Variants in FANK1 observed in about 807,000 individuals in gnomAD.
FANK1 encodes the protein fibronectin type 3 and ankyrin repeat domains protein 1.
In FANK1, 44 loss-of-function variants were observed where a neutral mutation model predicts 45.3. That is an observed-to-expected ratio of 0.97 (90% confidence interval 0.76 to 1.25). FANK1 has a LOEUF of 1.25. Among genes scored for constraint, FANK1 ranks in the 50% most tolerant of loss-of-function variants. The pLI is 0.00. For missense variants in FANK1, 391 were observed against 424.4 expected (o/e 0.92, Z 0.69); for synonymous variants, 149 against 152.5 (o/e 0.98, Z 0.17).
chr10:125,968,856 C>T (rs1160074678), intron 1 of FANK1, among the ~76,000 whole-genome samples: 1 of 152,096 alleles, frequency 6.6e-6, no homozygotes, highest in Non-Finnish European at 1.5e-5. Context: ...TTCTGATGTA[C>T]TTGAGCCATG....
rs563557166 is a variant in FANK1 at position 125,963,661 on chromosome 10, C to T, written c.14-16500C>T. Among the ~76,000 whole-genome samples the T allele has an allele frequency of 3.3e-5, 5 of 152,254 alleles. No homozygotes were observed. The East Asian group carries it at 9.7e-4, about 29-fold the overall frequency. ...CGCAAGGACAAAAAACCAAACACCA[C>T]ATGTTCTCACTCATAGGTGGGAATT... On this transcript the variant is annotated intron_variant, in intron 1 of 10. Coordinates refer to ENST00000368693, the MANE Select transcript of FANK1 (RefSeq NM_145235.5).
chr10:125,900,207 C>A (rs1944916757), intron 1 of FANK1, among the ~76,000 whole-genome samples: 1 of 152,308 alleles, frequency 6.6e-6, no homozygotes, highest in South Asian at 2.1e-4. Context: ...CAACCTTGGG[C>A]TGTTGAGAGT....
intron 1 of FANK1, among the ~76,000 whole-genome samples, chr10:125,950,395 A>G (rs942297603): frequency 5.4e-5 from 8 of 148,464 alleles, no homozygotes; most frequent in Middle Eastern, 3.4e-3. Flanking sequence ...TCCAGAATCT[A>G]CAATGAACTC....
At chr10:125,990,047 G>A (rs1951822760) in intron 3 of FANK1, among the ~76,000 whole-genome samples, 1 of 152,206 alleles carries the variant, frequency 6.6e-6, no homozygotes, top group Admixed American at 6.5e-5. Flanking sequence ...CACTGAGCCT[G>A]CTCCATGGGC....
intron 3 of FANK1, among the ~76,000 whole-genome samples, chr10:125,990,707 A>G (rs1226808246): frequency 3.9e-5 from 6 of 152,072 alleles, no homozygotes; most frequent in African/African-American, 1.4e-4. Context: ...ATTTGGAGCA[A>G]TTTTAGGAAG....
At chr10:126,002,098 G>T (rs1952805528) in intron 6 of FANK1, among the ~76,000 whole-genome samples, 1 of 151,810 alleles carries the variant, frequency 6.6e-6, no homozygotes, top group Non-Finnish European at 1.5e-5. Flanking sequence ...GGATCACGAG[G>T]TCAGGAGTTT....
At chr10:126,008,837 T>C (rs1321430120) in intron 8 of FANK1, among the ~76,000 whole-genome samples, 1 of 152,230 alleles carries the variant, frequency 6.6e-6, no homozygotes, top group African/African-American at 2.4e-5. Flanking sequence ...GTTCTGGTTT[T>C]AGTGTGGATA....
At chr10:125,963,664 G>C (rs1181781398) in intron 1 of FANK1, among the ~76,000 whole-genome samples, 1 of 152,088 alleles carries the variant, frequency 6.6e-6, no homozygotes, top group Non-Finnish European at 1.5e-5. Context: ...AACACCACAT[G>C]TTCTCACTCA....
chr10:125,946,685 C>A (rs1344801194), intron 1 of FANK1, among the ~76,000 whole-genome samples: 4 of 148,442 alleles, frequency 2.7e-5, no homozygotes, highest in Non-Finnish European at 4.5e-5. Context: ...AAACACTCTG[C>A]AGGATATTAT....
At chr10:125,927,554 CT>C (rs1235519645) in intron 1 of FANK1, among the ~76,000 whole-genome samples, 90 of 147,182 alleles carry the variant, frequency 6.1e-4, no homozygotes, top group South Asian at 8.6e-4. Context: ...CCATTATAAA[CT>C]TTTTTTTTTT....
At chr10:125,912,774 A>G (rs1946130747) in intron 1 of FANK1, among the ~76,000 whole-genome samples, 1 of 152,134 alleles carries the variant, frequency 6.6e-6, no homozygotes, top group Non-Finnish European at 1.5e-5. Flanking sequence ...AGTAGCTGGG[A>G]TTACAGGTGC....
intron 1 of FANK1, among the ~76,000 whole-genome samples, chr10:125,962,877 A>G (rs1241716528): frequency 1.3e-5 from 2 of 152,098 alleles, no homozygotes; most frequent in Admixed American, 1.3e-4. Flanking sequence ...ATTTCTCAGA[A>G]TTCTCACATA....
At chr10:125,902,836 A>C (rs74414138) in intron 1 of FANK1, among the ~76,000 whole-genome samples, 2 of 152,302 alleles carry the variant, frequency 1.3e-5, no homozygotes, top group Non-Finnish European at 2.9e-5. Context: ...GGAATCATTT[A>C]AAAAATCTGT....
rs531133954 is a variant in FANK1 at position 125,902,091 on chromosome 10, C to T, written c.13+5436C>T. Among the ~76,000 whole-genome samples, 143 of 152,056 alleles carry T rather than the reference C, an allele frequency of 9.4e-4. 2 individuals are homozygous for T. The highest frequency in any genetic ancestry group is 3.4e-3 in the African/African-American group (140 of 41,486). On this transcript the variant is annotated intron_variant, in intron 1 of 10. Coordinates refer to ENST00000368693, the MANE Select transcript of FANK1 (RefSeq NM_145235.5). ...CCGAGATAGCACCACTGTACTCCATCGTGGGAGACAAGAGCAATGTGAGGT... is the reference window on the plus strand; with the variant it reads ...CCGAGATAGCACCACTGTACTCCATTGTGGGAGACAAGAGCAATGTGAGGT...
chr10:125,992,645 G>A (rs968831263), intron 3 of FANK1, among the ~76,000 whole-genome samples: 1 of 152,124 alleles, frequency 6.6e-6, no homozygotes, highest in East Asian at 1.9e-4. Flanking sequence ...TAAACATGCA[G>A]TGAACTTGTT....
chr10:125,981,541 T>C lies in FANK1; in HGVS notation c.191+1203T>C, dbSNP rs369513166. Among the ~76,000 whole-genome samples, 12 of 151,792 alleles carry C rather than the reference T, an allele frequency of 7.9e-5. No homozygotes were observed. The South Asian group carries it at 2.3e-3, about 29-fold the overall frequency. ...GTTATGTTTTTCTTCTTAGTCTTCA[T>C]ATCATCTCTGACTTATTTCTTCCCC... On this transcript the variant is annotated intron_variant, in intron 2 of 10. Coordinates refer to ENST00000368693, the MANE Select transcript of FANK1 (RefSeq NM_145235.5).
intron 1 of FANK1, among the ~76,000 whole-genome samples, chr10:125,930,053 G>A (rs1229440805): frequency 6.6e-6 from 1 of 152,046 alleles, no homozygotes; most frequent in African/African-American, 2.4e-5. Context: ...TTATTAAAAT[G>A]ACCATCTTTT....
Position 125,934,732 on chromosome 10 carries a change from T to TGC in FANK1, c.13+38077_13+38078insGC, listed in dbSNP as rs1490917665. Among the ~76,000 whole-genome samples, 59 of 39,348 alleles carry TGC rather than the reference T, an allele frequency of 1.5e-3. 2 individuals are homozygous for TGC. The highest frequency in any genetic ancestry group is 8.2e-3 in the Middle Eastern group (1 of 122). The allele number at this position is 39,348 out of a possible 152,430, so 25.8% of individuals were successfully genotyped here. A position where few individuals can be genotyped will look rare whatever the true frequency, so the allele number is the denominator to read the frequency against. On this transcript the variant is annotated intron_variant, in intron 1 of 10. Transcript: ENST00000368693. Reference sequence around the variant, plus strand: ...CCACCTGTACCCCTACCGTTTTTTTTTTTTTTTTTTTTTTTTTTTTTTTTT... The same window carrying TGC: ...CCACCTGTACCCCTACCGTTTTTTTTGCTTTTTTTTTTTTTTTTTTTTTTTTT...
At chr10:125,960,303 A>G in intron 1 of FANK1, 1 of 274,840 alleles carries the variant, frequency 3.6e-6, no homozygotes, top group South Asian at 4.0e-5. Flanking sequence ...GTACTGTTGC[A>G]GCTCTGCAGC....
Sources: allele counts gnomAD v4.1 joint callset (sites outside exome capture counted in the v4.1 genomes callset), GRCh38; gene constraint gnomAD v4.1.1; transcripts MANE v1.5; gene names NCBI Gene and HGNC (gene_info 2026-07-23, HGNC 2026-07-21).